Variants in ZNF804B observed in about 807,000 individuals in gnomAD.
ZNF804B encodes the protein zinc finger protein 804B.
In ZNF804B, 80 loss-of-function variants were observed where a neutral mutation model predicts 101.4. The ratio of observed to expected loss-of-function variants is 0.79; its 90% CI spans 0.66 to 0.95. The LOEUF (loss-of-function observed/expected upper bound fraction) is 0.95. Ranked by LOEUF, ZNF804B falls within the 40% of genes least tolerant of loss-of-function variation. The pLI, the probability that ZNF804B is intolerant of heterozygous loss-of-function variation, is 0.00. For missense variants in ZNF804B, 1,673 were observed against 1,561.9 expected (o/e 1.07, Z -1.20); for synonymous variants, 622 against 558.8 (o/e 1.11, Z -1.59).
At chr7:88,915,131 C>T (rs1584014231) in intron 1 of ZNF804B, among the ~76,000 whole-genome samples, 1 of 152,128 alleles carries the variant, frequency 6.6e-6, no homozygotes, top group East Asian at 1.9e-4. Flanking sequence ...ATATCAATCA[C>T]ATTTTAAGAG....
intron 2 of ZNF804B, among the ~76,000 whole-genome samples, chr7:89,297,476 T>G (rs1680157366): frequency 6.6e-6 from 1 of 152,070 alleles, no homozygotes; most frequent in South Asian, 2.1e-4. Context: ...CAAATGTACA[T>G]AGTCCACAGA....
chr7:89,146,699 C>G (rs565661011), intron 1 of ZNF804B, among the ~76,000 whole-genome samples: 1 of 151,928 alleles, frequency 6.6e-6, no homozygotes, highest in South Asian at 2.1e-4. Context: ...ATAAAAAGAA[C>G]TTTATGTAAA....
At chr7:88,829,654 G>A (rs1280356476) in intron 1 of ZNF804B, among the ~76,000 whole-genome samples, 4 of 152,110 alleles carry the variant, frequency 2.6e-5, no homozygotes, top group African/African-American at 9.7e-5. Context: ...GAAGTTGGAA[G>A]TGTGTTATGT....
rs577218385 is a variant in ZNF804B at position 89,328,199 on chromosome 7, T to C, written c.380+725T>C. Among the ~76,000 whole-genome samples, 9 of 152,026 alleles carry C rather than the reference T, an allele frequency of 5.9e-5. No individual in the cohort carries two copies. The East Asian group carries it at 1.7e-3, about 29-fold the overall frequency. On this transcript the variant is annotated intron_variant, in intron 3 of 3. Coordinates refer to ENST00000333190, the MANE Select transcript of ZNF804B (RefSeq NM_181646.5). ...TCTGTGCCAGAATTTAAACACCTATTGCTTAAATGGAAAGTAATATATAAT... is the reference window on the plus strand; with the variant it reads ...TCTGTGCCAGAATTTAAACACCTATCGCTTAAATGGAAAGTAATATATAAT...
intron 1 of ZNF804B, among the ~76,000 whole-genome samples, chr7:88,847,487 A>G (rs1281996948): frequency 6.6e-6 from 1 of 152,160 alleles, no homozygotes; most frequent in Non-Finnish European, 1.5e-5. Context: ...AATATAAAAT[A>G]AAAGGAAATT....
chr7:89,014,656 T>G (rs1788514947), intron 1 of ZNF804B, among the ~76,000 whole-genome samples: 1 of 152,326 alleles, frequency 6.6e-6, no homozygotes, highest in African/African-American at 2.4e-5. Context: ...CATTTGTATG[T>G]CTCTGAGAAA....
intron 1 of ZNF804B, among the ~76,000 whole-genome samples, chr7:88,952,076 C>T (rs1021805667): frequency 1.4e-4 from 22 of 151,768 alleles, no homozygotes; most frequent in Non-Finnish European, 2.9e-4. Flanking sequence ...GGAGGAGTCC[C>T]TGATTCCATG....
At chr7:88,775,211 G>C (rs1490340395) in intron 1 of ZNF804B, among the ~76,000 whole-genome samples, 3 of 152,144 alleles carry the variant, frequency 2.0e-5, no homozygotes, top group Admixed American at 6.6e-5. Context: ...CCTAGAATTG[G>C]GTAAGACTTC....
chr7:89,258,649 CA>C (rs1240028033), intron 2 of ZNF804B, among the ~76,000 whole-genome samples: 2 of 152,104 alleles, frequency 1.3e-5, no homozygotes, highest in Non-Finnish European at 2.9e-5. Flanking sequence ...TTTAACTCCT[CA>C]AAAACTTAGC....
intron 1 of ZNF804B, among the ~76,000 whole-genome samples, chr7:89,037,341 A>G (rs954465270): frequency 3.3e-5 from 5 of 152,106 alleles, no homozygotes; most frequent in Admixed American, 3.3e-4. Flanking sequence ...ACCAGTGTAT[A>G]TATCATCACA....
chr7:88,971,226 G>T (rs1042282662), intron 1 of ZNF804B, among the ~76,000 whole-genome samples: 1 of 151,424 alleles, frequency 6.6e-6, no homozygotes, highest in South Asian at 2.1e-4. Context: ...TTGACCGTTT[G>T]GTCAATGACT....
At chr7:88,925,333 A>G (rs962383649) in intron 1 of ZNF804B, among the ~76,000 whole-genome samples, 3 of 152,168 alleles carry the variant, frequency 2.0e-5, no homozygotes, top group African/African-American at 4.8e-5. Context: ...CCCCAAATTC[A>G]TATGTCAAAG....
chr7:89,051,133 T>G (rs10241462), intron 1 of ZNF804B, among the ~76,000 whole-genome samples: 119,842 of 151,812 alleles, frequency 0.79, 47,418 homozygotes, highest in Non-Finnish European at 0.8. Context: ...GATTACTTTT[T>G]CATTTTATCT....
At chr7:88,842,362 A>C (rs1791302821) in intron 1 of ZNF804B, among the ~76,000 whole-genome samples, 1 of 152,180 alleles carries the variant, frequency 6.6e-6, no homozygotes, top group Non-Finnish European at 1.5e-5. Context: ...TCTCCCATGA[A>C]GTGGAACACT....
chr7:88,816,280 C>CT (rs1283637062), intron 1 of ZNF804B, among the ~76,000 whole-genome samples: 1 of 152,024 alleles, frequency 6.6e-6, no homozygotes, highest in African/African-American at 2.4e-5. Context: ...ATAAAAGCTG[C>CT]AGAAGAAAAC....
intron 1 of ZNF804B, among the ~76,000 whole-genome samples, chr7:88,946,138 T>A (rs1793124655): frequency 6.6e-6 from 1 of 152,070 alleles, no homozygotes; most frequent in Non-Finnish European, 1.5e-5. Context: ...TGAATAGGAG[T>A]GGTGAAAGAG....
At chr7:88,778,281 A>G (rs1031245850) in intron 1 of ZNF804B, among the ~76,000 whole-genome samples, 1 of 152,094 alleles carries the variant, frequency 6.6e-6, no homozygotes, top group South Asian at 2.1e-4. Flanking sequence ...GATTCTCTGT[A>G]TTGGGAAAAA....
intron 2 of ZNF804B, among the ~76,000 whole-genome samples, chr7:89,304,015 G>A (rs139813043): frequency 3.3e-5 from 5 of 151,872 alleles, no homozygotes; most frequent in South Asian, 2.1e-4. Context: ...GGTTTATTCC[G>A]GACTATAGGA....
At position 89,090,997 on chromosome 7, in the gene ZNF804B, G is replaced by GA. The variant is rs766580788; in HGVS notation, c.109-127157dup. On this transcript the variant is annotated intron_variant, in intron 1 of 3. Transcript: ENST00000333190. ...AGTAACACATTTTGAGGAAAGTTTG[G>GA]ACGTAAGTATTGAGTATGTGGATGA... 6.8e-4 allele frequency among the ~76,000 whole-genome samples: 103 copies of GA among 152,228 alleles called. 2 individuals carry two copies. The highest frequency in any genetic ancestry group is 3.4e-3 in the Middle Eastern group (1 of 294).
Sources: allele counts gnomAD v4.1 joint callset (sites outside exome capture counted in the v4.1 genomes callset), GRCh38; gene constraint gnomAD v4.1.1; transcripts MANE v1.5; gene names NCBI Gene and HGNC (gene_info 2026-07-23, HGNC 2026-07-21).